The following WDR27 variants were observed in gnomAD, a reference collection of about 807,000 sequenced individuals.
WDR27 encodes WD repeat-containing protein 27.
A neutral mutation model predicts 114.4 loss-of-function variants in WDR27; 100 were observed. That is an observed-to-expected ratio of 0.87 (90% CI 0.74 to 1.03). WDR27 has a LOEUF of 1.03. Ranked by LOEUF, WDR27 falls within the 50% of genes least tolerant of loss-of-function variation. The pLI, the probability that WDR27 is intolerant of heterozygous loss-of-function variation, is 0.00. For synonymous variants in WDR27, 449 were observed against 423.1 expected, an observed-to-expected ratio of 1.06 and a Z score of -0.75; for missense variants, 1,129 against 1,092.9, an observed-to-expected ratio of 1.03 and a Z score of -0.47.
At chr6:169,473,244 C>T (rs990389661) in intron 25 of WDR27, among the ~76,000 whole-genome samples, 1 of 152,158 alleles carries the variant, frequency 6.6e-6, no homozygotes, top group Non-Finnish European at 1.5e-5. Flanking sequence ...AGAAGATGTG[C>T]CACTTGACCC....
At chr6:169,479,884 G>C (rs1235691314) in intron 25 of WDR27, among the ~76,000 whole-genome samples, 1 of 152,208 alleles carries the variant, frequency 6.6e-6, no homozygotes, top group African/African-American at 2.4e-5. Flanking sequence ...CAATGTGCTA[G>C]CAGCCCTCGC....
At position 169,539,757 on chromosome 6, in the gene WDR27, T is replaced by A. The variant is rs188641839; in HGVS notation, c.2645+32662A>T. On this transcript the variant is annotated intron_variant, in intron 25 of 25. Transcript: ENST00000448612. ...TTTAAAACCCCCAGCTTGTGTCTGC[T>A]GGCTCCCTCCTGTGAAAGAAGAGAG... Among the ~76,000 whole-genome samples the A allele has an allele frequency of 5.9e-5, 9 of 152,318 alleles. No homozygotes were observed. The East Asian group carries it at 1.7e-3, about 29-fold the overall frequency.
chr6:169,490,428 C>T (rs573632125), intron 25 of WDR27, among the ~76,000 whole-genome samples: 2 of 152,288 alleles, frequency 1.3e-5, no homozygotes, highest in East Asian at 3.9e-4. Flanking sequence ...CATCAGGGAG[C>T]CAGGTGTGTG....
At chr6:169,600,035 G>A (rs1395450604) in intron 23 of WDR27, among the ~76,000 whole-genome samples, 8 of 152,070 alleles carry the variant, frequency 5.3e-5, no homozygotes, top group Admixed American at 1.3e-4. Flanking sequence ...TAGTCATTCC[G>A]GAGCAGGTTG....
chr6:169,454,967 T>C (rs1373370275), downstream of WDR27, among the ~76,000 whole-genome samples: 1 of 152,214 alleles, frequency 6.6e-6, no homozygotes, highest in Non-Finnish European at 1.5e-5. Flanking sequence ...TCAAGAAAGC[T>C]GTCCTGGGGC....
At chr6:169,610,929 G>C (rs1810380862) in intron 22 of WDR27, among the ~76,000 whole-genome samples, 1 of 152,138 alleles carries the variant, frequency 6.6e-6, no homozygotes, top group South Asian at 2.1e-4. Context: ...AATAAAAAAT[G>C]ACATATTGGG....
At chr6:169,444,042 A>C in the WDR27 span, among the ~76,000 whole-genome samples, 1 of 152,178 alleles carries the variant, frequency 6.6e-6, no homozygotes, top group Admixed American at 6.5e-5. Flanking sequence ...CTGGATGCCA[A>C]CGCTGGCTCT....
At chr6:169,463,127 A>T (rs1299584362) in intron 25 of WDR27, among the ~76,000 whole-genome samples, 4 of 152,206 alleles carry the variant, frequency 2.6e-5, no homozygotes, top group Admixed American at 6.5e-5. Flanking sequence ...GTTGGTACCC[A>T]CTAAGAGCCT....
intron 2 of WDR27, among the ~76,000 whole-genome samples, chr6:169,682,304 C>T (rs889251830): frequency 1.3e-5 from 2 of 152,220 alleles, no homozygotes; most frequent in Admixed American, 6.5e-5. Context: ...CCAATCTCAA[C>T]TCCCATTCCT....
intron 25 of WDR27, among the ~76,000 whole-genome samples, chr6:169,548,227 G>A (rs1390733563): frequency 1.3e-5 from 2 of 151,972 alleles, no homozygotes; most frequent in African/African-American, 4.8e-5. Context: ...TGGATAGGAA[G>A]ACAATACTGT....
rs1784405148 is a variant in WDR27 at position 169,457,347 on chromosome 6, G to A, written c.*245C>T. 2 of 408,998 alleles carry A rather than the reference G, an allele frequency of 4.9e-6. No homozygotes were observed. Among genetic ancestry groups the A allele is most frequent in the South Asian group, 1.1e-4 (2 of 17,500 alleles). The allele number at this position is 408,998 out of a possible 1,614,324, so 25.3% of individuals were successfully genotyped here. On this transcript the variant is annotated 3_prime_UTR_variant, in exon 26 of 26. Transcript: ENST00000448612. ...TAACTTTACCAAATTCTGTGCAGAA[G>A]TACTGGACGCCATTTCCATTTTCCC...
intron 25 of WDR27, among the ~76,000 whole-genome samples, chr6:169,533,216 C>T (rs1396928818): frequency 6.7e-6 from 1 of 148,292 alleles, no homozygotes; most frequent in African/African-American, 2.5e-5. Flanking sequence ...GCACAGGACA[C>T]AGGCATGGCC....
chr6:169,636,342 AAAT>A (rs747270387), intron 19 of WDR27, 26 bp downstream of exon 19: 1 of 1,601,616 alleles, frequency 6.2e-7, no homozygotes, highest in African/African-American at 1.3e-5. Flanking sequence ...TGTGATCTAA[AAAT>A]AATGCACAGG....
chr6:169,698,149 G>C (rs1786758144), intron 1 of WDR27, among the ~76,000 whole-genome samples: 1 of 152,218 alleles, frequency 6.6e-6, no homozygotes, highest in Admixed American at 6.5e-5. Flanking sequence ...CCTGCACTCA[G>C]AATTTCTGGG....
At chr6:169,619,122 T>C (rs756864740) in intron 21 of WDR27, among the ~76,000 whole-genome samples, 1 of 152,216 alleles carries the variant, frequency 6.6e-6, no homozygotes, top group Non-Finnish European at 1.5e-5. Flanking sequence ...GGCTACTGTA[T>C]AGTCATTGCT....
At chr6:169,612,348 A>T (rs1584574251) in intron 22 of WDR27, among the ~76,000 whole-genome samples, 1 of 152,234 alleles carries the variant, frequency 6.6e-6, no homozygotes, top group South Asian at 2.1e-4. Flanking sequence ...TGAAGCCAGG[A>T]GGCGGAGCTT....
chr6:169,434,774 A>G, the WDR27 span, among the ~76,000 whole-genome samples: 8 of 152,240 alleles, frequency 5.3e-5, no homozygotes, highest in African/African-American at 1.7e-4. Context: ...AAAAGTTCAA[A>G]AAATTTGCAG....
intron 21 of WDR27, among the ~76,000 whole-genome samples, chr6:169,623,406 AC>A (rs1296228193): frequency 6.6e-6 from 1 of 152,140 alleles, no homozygotes; most frequent in African/African-American, 2.4e-5. Flanking sequence ...TGTGTGAATT[AC>A]CCTTTCTCTA....
the WDR27 span, among the ~76,000 whole-genome samples, chr6:169,428,165 T>C: frequency 1.3e-5 from 2 of 152,164 alleles, no homozygotes; most frequent in African/African-American, 4.8e-5. Context: ...TTACTAAATA[T>C]TGAGGATGGA....
Sources: gnomAD v4.1 joint callset for allele counts (sites outside exome capture counted in the v4.1 genomes callset) on GRCh38, gnomAD v4.1.1 for gene constraint, MANE v1.5 for transcripts, NCBI Gene and HGNC (gene_info 2026-07-23, HGNC 2026-07-21) for gene names.